EXOC2: variants seen among roughly 807,000 people sequenced by gnomAD.
EXOC2 encodes the protein SEC5-like 1.
In EXOC2, 70 loss-of-function variants were observed where a neutral mutation model predicts 131.8. The ratio of observed to expected loss-of-function variants is 0.53; its 90% CI spans 0.44 to 0.65. The LOEUF (loss-of-function observed/expected upper bound fraction) is 0.65, where lower values mean the gene tolerates loss of function less well. Ranked by LOEUF, EXOC2 falls within the 30% of genes least tolerant of loss-of-function variation. The pLI, the probability that EXOC2 is intolerant of heterozygous loss-of-function variation, is 0.00. For missense variants in EXOC2, 923 were observed against 1,108.6 expected, an observed-to-expected ratio of 0.83 and a Z score of 2.38; for synonymous variants, 411 against 398.4, an observed-to-expected ratio of 1.03 and a Z score of -0.38.
chr6:578,604 G>GA (rs1162968081), intron 11 of EXOC2, among the ~76,000 whole-genome samples: 1 of 152,156 alleles, frequency 6.6e-6, no homozygotes, highest in African/African-American at 2.4e-5. Context: ...TAGATAAATA[G>GA]AAAATAAATC....
At chr6:565,833 G>A (rs1242771580) in intron 13 of EXOC2, among the ~76,000 whole-genome samples, 10 of 152,084 alleles carry the variant, frequency 6.6e-5, no homozygotes, top group Non-Finnish European at 1.2e-4. Context: ...TGTTATGCAC[G>A]TTGTATATAT....
chr6:573,698 A>C (rs1307252494), intron 12 of EXOC2, among the ~76,000 whole-genome samples: 1 of 150,422 alleles, frequency 6.6e-6, no homozygotes, highest in Non-Finnish European at 1.5e-5. Flanking sequence ...TTTATTAATA[A>C]AATTGTATTA....
intron 11 of EXOC2, among the ~76,000 whole-genome samples, chr6:589,107 A>G (rs1221593834): frequency 6.6e-6 from 1 of 152,244 alleles, no homozygotes; most frequent in Non-Finnish European, 1.5e-5. Flanking sequence ...TCCTGAAAGT[A>G]TAAGTAGGAA....
At chr6:624,712 G>T (rs1351304040) in intron 4 of EXOC2, among the ~76,000 whole-genome samples, 1 of 152,202 alleles carries the variant, frequency 6.6e-6, no homozygotes, top group Non-Finnish European at 1.5e-5. Flanking sequence ...ATGCAGGAGA[G>T]TGCGAAAGGG....
intron 17 of EXOC2, among the ~76,000 whole-genome samples, chr6:558,878 T>C (rs1757561467): frequency 6.6e-6 from 1 of 152,138 alleles, no homozygotes; most frequent in Non-Finnish European, 1.5e-5. Context: ...TTTAGATTTC[T>C]TCTATTAAAA....
At chr6:634,348 G>A (rs1417691373) in intron 2 of EXOC2, among the ~76,000 whole-genome samples, 1 of 152,162 alleles carries the variant, frequency 6.6e-6, no homozygotes, top group Admixed American at 6.5e-5. Flanking sequence ...GCCTCCCAAA[G>A]TGCTAGGATT....
intron 11 of EXOC2, among the ~76,000 whole-genome samples, chr6:591,376 T>C (rs1031248825): frequency 6.6e-6 from 1 of 152,174 alleles, no homozygotes; most frequent in African/African-American, 2.4e-5. Flanking sequence ...CTCCACGATC[T>C]AAGCTCCAAC....
chr6:532,954 G>A (rs1471722778), intron 22 of EXOC2, among the ~76,000 whole-genome samples: 1 of 152,128 alleles, frequency 6.6e-6, no homozygotes, highest in Non-Finnish European at 1.5e-5. Flanking sequence ...TTACAGTCTT[G>A]GTGGAAGGCA....
chr6:648,346 A>C (rs1388988207), intron 1 of EXOC2, among the ~76,000 whole-genome samples: 2 of 152,216 alleles, frequency 1.3e-5, no homozygotes, highest in Non-Finnish European at 2.9e-5. Flanking sequence ...ACTCTCAGGA[A>C]AGAGTCTAAG....
At chr6:528,398 T>C (rs1285242357) in intron 23 of EXOC2, among the ~76,000 whole-genome samples, 1 of 152,240 alleles carries the variant, frequency 6.6e-6, no homozygotes, top group Non-Finnish European at 1.5e-5. Flanking sequence ...TTTTGGCTGC[T>C]CACTTTACAC....
At chr6:551,037 G>C (rs1389910849) in intron 21 of EXOC2, among the ~76,000 whole-genome samples, 1 of 152,156 alleles carries the variant, frequency 6.6e-6, no homozygotes, top group Non-Finnish European at 1.5e-5. Flanking sequence ...TAATCATTCA[G>C]ATGCAATAAA....
At chr6:501,908 C>G (rs941155583) in intron 23 of EXOC2, among the ~76,000 whole-genome samples, 22 of 151,592 alleles carry the variant, frequency 1.5e-4, no homozygotes, top group African/African-American at 5.3e-4. Context: ...CAGAAAGAGC[C>G]TGTTGTAAGT....
chr6:531,426 A>AGTGTGT lies in EXOC2; in HGVS notation c.2380+1042_2380+1043insACACAC, dbSNP rs1290995003. Among the ~76,000 whole-genome samples the AGTGTGT allele has an allele frequency of 2.6e-5, 4 of 152,228 alleles. No homozygotes were observed. In the South Asian group the frequency reaches 8.3e-4, roughly 32 times the overall value. ...GCACAGAAAAGTGTGTGCACAGAAA[A>AGTGTGT]GCACATGAGGAATAAGGGCTGGCAT... On this transcript the variant is annotated intron_variant, in intron 23 of 27. Transcript: ENST00000230449.
intron 13 of EXOC2, among the ~76,000 whole-genome samples, chr6:569,927 T>A (rs1055384520): frequency 6.6e-6 from 1 of 152,178 alleles, no homozygotes; most frequent in African/African-American, 2.4e-5. Context: ...ATGTAATCTG[T>A]AAGAAAGCAA....
intron 1 of EXOC2, among the ~76,000 whole-genome samples, chr6:657,709 C>G (rs1295680169): frequency 6.6e-6 from 1 of 151,610 alleles, no homozygotes; most frequent in African/African-American, 2.4e-5. Context: ...AACACTCTAG[C>G]CCACCAGCAA....
intron 4 of EXOC2, among the ~76,000 whole-genome samples, chr6:623,951 ATCTTGGT>A (rs1761425742): frequency 6.6e-6 from 1 of 152,182 alleles, no homozygotes; most frequent in South Asian, 2.1e-4. Context: ...GGCTCCTCAC[ATCTTGGT>A]GACATGACTG....
chr6:495,685 G>A (rs1763688524), intron 25 of EXOC2, among the ~76,000 whole-genome samples: 1 of 152,162 alleles, frequency 6.6e-6, no homozygotes, highest in African/African-American at 2.4e-5. Context: ...TCACATTCTT[G>A]CCGACGTCTA....
At chr6:562,055 C>T (rs147453411) in intron 17 of EXOC2, among the ~76,000 whole-genome samples, 64 of 152,316 alleles carry the variant, frequency 4.2e-4, no homozygotes, top group African/African-American at 1.5e-3. Context: ...GCAGCCAGGC[C>T]ACGAGTGACC....
At chr6:537,200 T>C (rs766831001) in intron 22 of EXOC2, among the ~76,000 whole-genome samples, 4 of 148,052 alleles carry the variant, frequency 2.7e-5, no homozygotes, top group Non-Finnish European at 4.5e-5. Flanking sequence ...GAGCGTACAC[T>C]CGAGATGACG....
Sources: gnomAD v4.1 joint callset for allele counts (sites outside exome capture counted in the v4.1 genomes callset) on GRCh38, gnomAD v4.1.1 for gene constraint, MANE v1.5 for transcripts, NCBI Gene and HGNC (gene_info 2026-07-23, HGNC 2026-07-21) for gene names.